Variants in NALF1 observed in about 807,000 individuals in gnomAD.
NALF1 encodes the protein family with sequence similarity 155 member A.
In NALF1, 3 loss-of-function variants were observed where a neutral mutation model predicts 48.4. That is an observed-to-expected ratio of 0.06 (90% CI 0.03 to 0.16). The LOEUF (loss-of-function observed/expected upper bound fraction) is 0.16, where lower values mean the gene tolerates loss of function less well. Among genes scored for constraint, NALF1 ranks in the 10% least tolerant of loss-of-function variants. The probability of loss-of-function intolerance (pLI) is 1.00; values close to 1 mark genes in which losing one functional copy is unlikely to be tolerated. For missense variants in NALF1, 526 were observed against 571.5 expected (o/e 0.92, Z 0.81); for synonymous variants, 262 against 245.7 (o/e 1.07, Z -0.62).
At chr13:107,529,031 T>G (rs1251455723) in intron 1 of NALF1, among the ~76,000 whole-genome samples, 13 of 152,146 alleles carry the variant, frequency 8.5e-5, no homozygotes, top group Non-Finnish European at 1.3e-4. Flanking sequence ...TTTTGGACCT[T>G]TTCTACAGTG....
chr13:107,614,295 T>C (rs1274933267), intron 1 of NALF1, among the ~76,000 whole-genome samples: 2 of 152,196 alleles, frequency 1.3e-5, no homozygotes, highest in Admixed American at 1.3e-4. Flanking sequence ...GAGAAATGCT[T>C]CTCTACATCT....
At chr13:107,863,245 G>C (rs1023983247) in intron 1 of NALF1, among the ~76,000 whole-genome samples, 16 of 151,992 alleles carry the variant, frequency 1.1e-4, no homozygotes, top group African/African-American at 3.6e-4. Flanking sequence ...AGAAACTCAG[G>C]CATATCTTTC....
chr13:107,806,832 A>G, intron 1 of NALF1, among the ~76,000 whole-genome samples: 1 of 152,190 alleles, frequency 6.6e-6, no homozygotes, highest in South Asian at 2.1e-4. Context: ...AATCAATAAC[A>G]TATACTTAAA....
chr13:107,650,394 T>TAAAAAAAAAAAAAA lies in NALF1; in HGVS notation c.915+215274_915+215287dup, dbSNP rs11330259. Among the ~76,000 whole-genome samples the TAAAAAAAAAAAAAA allele has an allele frequency of 2.1e-4, 23 of 107,652 alleles. No individual in the cohort carries two copies. In the South Asian group the frequency reaches 3.6e-3, roughly 17 times the overall value. 70.6% of individuals were successfully genotyped at this position (107,652 alleles called of 152,430 possible). On this transcript the variant is annotated intron_variant, in intron 1 of 2. Coordinates refer to ENST00000375915, the MANE Select transcript of NALF1 (RefSeq NM_001080396.3). ...TTTGAACGGTAATCTCTGCAACCAT[T>TAAAAAAAAAAAAAA]AAAAAAAAAAAAAAGGAACAAATTA...
At chr13:107,548,161 G>T (rs1877184482) in intron 1 of NALF1, among the ~76,000 whole-genome samples, 1 of 151,914 alleles carries the variant, frequency 6.6e-6, no homozygotes, top group African/African-American at 2.4e-5. Context: ...AGGGTCTGTT[G>T]TTCCCTTGTG....
chr13:107,179,064 C>T (rs1209589098), intron 2 of NALF1, among the ~76,000 whole-genome samples: 2 of 152,258 alleles, frequency 1.3e-5, no homozygotes, highest in East Asian at 3.9e-4. Flanking sequence ...TGCACTCCCA[C>T]GTTTATTGTG....
chr13:107,494,202 G>A (rs966678571), intron 1 of NALF1, among the ~76,000 whole-genome samples: 1 of 138,412 alleles, frequency 7.2e-6, no homozygotes, highest in Non-Finnish European at 1.5e-5. Context: ...AAACCGGTAG[G>A]CGAAAATTAC....
intron 1 of NALF1, among the ~76,000 whole-genome samples, chr13:107,236,671 G>GTCTATCTATCTATCTATCTA: frequency 7.1e-6 from 1 of 140,720 alleles, no homozygotes; most frequent in East Asian, 2.2e-4. Flanking sequence ...CCATCTGTCT[G>GTCTATCTATCTATCTATCTA]TCTATCTATC....
At chr13:107,717,034 G>A (rs899332872) in intron 1 of NALF1, among the ~76,000 whole-genome samples, 12 of 152,144 alleles carry the variant, frequency 7.9e-5, no homozygotes, top group African/African-American at 2.9e-4. Context: ...CTGCTCCAGT[G>A]TGCTTAGCAG....
intron 1 of NALF1, among the ~76,000 whole-genome samples, chr13:107,380,149 G>C (rs897480065): frequency 6.6e-6 from 1 of 151,802 alleles, no homozygotes; most frequent in African/African-American, 2.4e-5. Flanking sequence ...GTACTAATTT[G>C]TTATTTCATT....
chr13:107,735,173 C>A (rs894062225), intron 1 of NALF1, among the ~76,000 whole-genome samples: 7 of 152,124 alleles, frequency 4.6e-5, no homozygotes, highest in Non-Finnish European at 8.8e-5. Context: ...CCAGACCACA[C>A]AGTCACTTCA....
chr13:107,642,458 G>C (rs1339311635), intron 1 of NALF1, among the ~76,000 whole-genome samples: 1 of 152,150 alleles, frequency 6.6e-6, no homozygotes, highest in Non-Finnish European at 1.5e-5. Flanking sequence ...CATATGCCCA[G>C]CATATAAGAT....
At chr13:107,592,563 T>G (rs1343741116) in intron 1 of NALF1, among the ~76,000 whole-genome samples, 1 of 151,866 alleles carries the variant, frequency 6.6e-6, no homozygotes, top group Non-Finnish European at 1.5e-5. Context: ...ATTAATAAAT[T>G]CTACTAGCAG....
chr13:107,204,260 A>C (rs1180395155), intron 2 of NALF1, among the ~76,000 whole-genome samples: 1 of 152,232 alleles, frequency 6.6e-6, no homozygotes, highest in African/African-American at 2.4e-5. Context: ...GACAAGCGTA[A>C]AACCTCATTC....
chr13:107,487,854 G>C (rs945458845), intron 1 of NALF1, among the ~76,000 whole-genome samples: 2 of 151,716 alleles, frequency 1.3e-5, no homozygotes, highest in East Asian at 3.9e-4. Context: ...AGTAGGAATT[G>C]TACTGGCTCT....
At chr13:107,322,098 A>G (rs2138914728) in intron 1 of NALF1, among the ~76,000 whole-genome samples, 1 of 152,188 alleles carries the variant, frequency 6.6e-6, no homozygotes, top group East Asian at 1.9e-4. Flanking sequence ...AGATCTCTGT[A>G]TTTTTCCAGG....
At chr13:107,538,661 A>G (rs1876911287) in intron 1 of NALF1, among the ~76,000 whole-genome samples, 1 of 152,142 alleles carries the variant, frequency 6.6e-6, no homozygotes, top group Non-Finnish European at 1.5e-5. Flanking sequence ...TCATTGGACA[A>G]TATATCTCAA....
intron 1 of NALF1, among the ~76,000 whole-genome samples, chr13:107,312,392 A>G (rs906813936): frequency 3.3e-5 from 5 of 151,932 alleles, no homozygotes; most frequent in Non-Finnish European, 7.4e-5. Context: ...TGGACACAGG[A>G]AGGGGAACAT....
intron 1 of NALF1, among the ~76,000 whole-genome samples, chr13:107,337,774 A>T: frequency 6.6e-6 from 1 of 152,218 alleles, no homozygotes; most frequent in East Asian, 1.9e-4. Context: ...GGTCAGACAG[A>T]CATGAACATC....
Sources: allele counts gnomAD v4.1 joint callset (sites outside exome capture counted in the v4.1 genomes callset), GRCh38; gene constraint gnomAD v4.1.1; transcripts MANE v1.5; gene names NCBI Gene and HGNC (gene_info 2026-07-23, HGNC 2026-07-21).